Variants in SMC6 observed in about 807,000 individuals in gnomAD.
The protein encoded by SMC6 is structural maintenance of chromosomes protein 6.
Under a neutral mutation model 142.2 loss-of-function variants are expected in SMC6, and 79 were observed. The observed-to-expected ratio is 0.56, with a 90% CI of 0.46 to 0.67. The LOEUF is 0.67. Ranked by LOEUF, SMC6 falls within the 30% of genes least tolerant of loss-of-function variation. The pLI is 0.00. For synonymous variants in SMC6, 411 were observed against 412.4 expected (o/e 1.00, Z 0.04); for missense variants, 1,072 against 1,284.0 (o/e 0.83, Z 2.52).
chr2:17,743,718 G>A (rs766767814), intron 3 of SMC6, among the ~76,000 whole-genome samples: 11 of 151,980 alleles, frequency 7.2e-5, no homozygotes, highest in Non-Finnish European at 1.2e-4. Flanking sequence ...TTTTTACTGC[G>A]CTAAAAATCC....
At chr2:17,725,564 T>A (rs1459101533) in intron 8 of SMC6, among the ~76,000 whole-genome samples, 1 of 152,174 alleles carries the variant, frequency 6.6e-6, no homozygotes, top group Non-Finnish European at 1.5e-5. Flanking sequence ...CACATCCACA[T>A]GTTCATTTGC....
Position 17,716,088 on chromosome 2 carries a change from A to G in SMC6, c.1523T>C (p.Leu508Ser). The part of the protein sequence containing the change: ...GHFTYKPVGP[L>S]GACIHLRDPE... ...CCTCGCTAAATTAAGACAAATACCT[A>G]AAGGGCCTACAGGTTTATAGGTAAA... The change falls in exon 15 of 28, where the codon TTA (leucine) becomes TCA (serine). Residue 508 changes from leucine (L) to serine (S), a missense_variant and splice_region_variant. This residue lies in a region of SMC6 where 994 missense variants were observed against 1,153.2 expected (regional missense o/e 0.86). Transcript: ENST00000448223. The G allele has an allele frequency of 6.5e-7, 1 of 1,528,562 alleles. No homozygotes were observed. Among genetic ancestry groups the G allele is most frequent in the Non-Finnish European group, 8.7e-7 (1 of 1,147,532 alleles). The allele number at this position is 1,528,562 out of a possible 1,614,324, so 94.7% of individuals were successfully genotyped here. A position where few individuals can be genotyped will look rare whatever the true frequency, so the allele number is the denominator to read the frequency against.
At chr2:17,711,577 C>T (rs1668826523) in intron 16 of SMC6, among the ~76,000 whole-genome samples, 2 of 151,982 alleles carry the variant, frequency 1.3e-5, no homozygotes, top group Non-Finnish European at 2.9e-5. Context: ...AGGAAAAACA[C>T]CACTAAGTTA....
intron 26 of SMC6, 56 bp downstream of exon 26, chr2:17,670,367 A>C (rs1666697862): frequency 6.5e-7 from 1 of 1,538,206 alleles, no homozygotes. Flanking sequence ...TCCTTTAGAA[A>C]TACATGTTTC....
intron 17 of SMC6, 85 bp from the exon 18 acceptor site, chr2:17,707,464 ATTATT>A (rs1668563360): frequency 1.8e-5 from 13 of 740,986 alleles, no homozygotes; most frequent in Non-Finnish European, 2.5e-5. Context: ...ACTCGTCCTT[ATTATT>A]TTAATATGAT....
intron 17 of SMC6, among the ~76,000 whole-genome samples, chr2:17,708,216 T>C (rs992408385): frequency 6.6e-6 from 1 of 151,912 alleles, no homozygotes; most frequent in African/African-American, 2.4e-5. Flanking sequence ...CACAGATAAA[T>C]AGTAAATATT....
At chr2:17,667,844 T>C (rs1666573427) in intron 26 of SMC6, among the ~76,000 whole-genome samples, 1 of 152,054 alleles carries the variant, frequency 6.6e-6, no homozygotes, top group Admixed American at 6.6e-5. Context: ...AACGAGACTG[T>C]GTCCTGAAAA....
chr2:17,714,289 T>C (rs1044564236), intron 16 of SMC6, among the ~76,000 whole-genome samples: 1 of 151,932 alleles, frequency 6.6e-6, no homozygotes, highest in Admixed American at 6.6e-5. Context: ...TAGACAGGTC[T>C]CCCCAAGTTG....
chr2:17,738,403 A>G, intron 4 of SMC6, 77 bp from the exon 5 acceptor site: 1 of 932,046 alleles, frequency 1.1e-6, no homozygotes, highest in East Asian at 2.6e-5. Flanking sequence ...TGTAATGCAA[A>G]AAGATTTATG....
At chr2:17,737,462 A>C (rs868786709) in intron 5 of SMC6, among the ~76,000 whole-genome samples, 1 of 152,374 alleles carries the variant, frequency 6.6e-6, no homozygotes, top group Middle Eastern at 3.4e-3. Flanking sequence ...ATGAAAAACA[A>C]AGATCCCTTC....
intron 2 of SMC6, among the ~76,000 whole-genome samples, chr2:17,752,652 C>T (rs1291893066): frequency 6.6e-6 from 1 of 152,076 alleles, no homozygotes; most frequent in Non-Finnish European, 1.5e-5. Flanking sequence ...AAATTAATAC[C>T]CTATGTTTCA....
rs16983780 is a variant in SMC6 at position 17,703,103 on chromosome 2, C to T, written c.2142+54G>A. ...AATAATGGGATCTTAAAATCAACTT[C>T]GTAGTAGTAAGTTGAAAAAAACAAA... is the stretch of plus-strand genomic sequence containing the variant. On this transcript the variant is annotated intron_variant, in intron 19 of 27. Coordinates refer to ENST00000448223, the MANE Select transcript of SMC6 (RefSeq NM_001142286.2). 1.5e-3 allele frequency: 1,718 copies of T among 1,124,118 alleles called. 17 individuals are homozygous for T. In the African/African-American group the frequency reaches 0.024, roughly 16 times the overall value. 69.6% of individuals were successfully genotyped at this position (1,124,118 alleles called of 1,614,324 possible).
chr2:17,751,487 G>GA (rs1249786290), intron 2 of SMC6, among the ~76,000 whole-genome samples: 1 of 150,438 alleles, frequency 6.6e-6, no homozygotes, highest in African/African-American at 2.4e-5. Context: ...AAAAAAAGAG[G>GA]AAAAAAAAGA....
At position 17,741,857 on chromosome 2, in the gene SMC6, T is replaced by G. The variant is rs918408410; in HGVS notation, c.121-128A>C. The G allele has an allele frequency of 1.9e-5, 11 of 564,972 alleles. No homozygotes were observed. The African/African-American group carries it at 2.1e-4, about 11-fold the overall frequency. The allele number at this position is 564,972 out of a possible 1,614,324, so 35.0% of individuals were successfully genotyped here. ...AAAATTTACAGAAAGTGAATAATGGTAACTTCAATGAATAAGATGAAATTA... is the reference window on the plus strand; with the variant it reads ...AAAATTTACAGAAAGTGAATAATGGGAACTTCAATGAATAAGATGAAATTA... On this transcript the variant is annotated intron_variant, in intron 3 of 27. Coordinates refer to ENST00000448223, the MANE Select transcript of SMC6 (RefSeq NM_001142286.2).
In SMC6 at chr2:17,714,918, G is replaced by A. The variant is rs1391717410; in HGVS notation, c.1673C>T (p.Ser558Leu). The A allele has an allele frequency of 2.5e-6, 4 of 1,613,450 alleles. No individual in the cohort carries two copies. Among genetic ancestry groups the A allele is most frequent in the Non-Finnish European group, 3.4e-6 (4 of 1,179,828 alleles). ...CTCAGAAACTATTATCGGTGGCCGT[G>A]AGGTCCCTGGTAAATAAAACCTTTT... ...LMKRFYLPGT[S>L]RPPIIVSEFR... Residue 558 changes from serine to leucine, a missense_variant, in exon 16 of 28, where the codon TCA becomes TTA. Ser to Leu is a moderately radical substitution (Grantham distance 145). Coordinates refer to ENST00000448223, the MANE Select transcript of SMC6 (RefSeq NM_001142286.2).
At chr2:17,751,707 A>C (rs1242631653) in intron 2 of SMC6, among the ~76,000 whole-genome samples, 2 of 152,178 alleles carry the variant, frequency 1.3e-5, no homozygotes, top group Non-Finnish European at 2.9e-5. Flanking sequence ...GCTAACATTA[A>C]CCTAAGCAAC....
intron 13 of SMC6, 71 bp downstream of exon 13, chr2:17,717,017 T>C (rs906608614): frequency 7.9e-6 from 12 of 1,523,718 alleles, no homozygotes; most frequent in Non-Finnish European, 1.1e-5. Context: ...TAAAATATAA[T>C]ACTCCAATGC....
At chr2:17,731,598 G>A (rs928514571) in intron 6 of SMC6, 143 bp downstream of exon 6, 33 of 410,306 alleles carry the variant, frequency 8.0e-5, no homozygotes, top group South Asian at 4.8e-4. Context: ...ACATATGCAC[G>A]TGTGTGTGTG....
chr2:17,735,201 G>A (rs1049040870), intron 5 of SMC6, among the ~76,000 whole-genome samples: 1 of 152,026 alleles, frequency 6.6e-6, no homozygotes, highest in Non-Finnish European at 1.5e-5. Flanking sequence ...ACACTGATAT[G>A]GTCTGTGCTG....
Sources: allele counts gnomAD v4.1 joint callset (sites outside exome capture counted in the v4.1 genomes callset), GRCh38; gene constraint gnomAD v4.1.1; regional missense constraint gnomAD v4.1.1; transcripts MANE v1.5; gene names NCBI Gene and HGNC (gene_info 2026-07-23, HGNC 2026-07-21).